The following KYAT1 variants were observed in gnomAD, a reference collection of about 807,000 sequenced individuals.
KYAT1 encodes the protein kynurenine aminotransferase 1.
In KYAT1, 47 loss-of-function variants were observed where a neutral mutation model predicts 52.4. That is an observed-to-expected ratio of 0.90 (90% confidence interval 0.71 to 1.14). The LOEUF is 1.14. KYAT1 is among the 50% of genes most tolerant of loss of function. KYAT1 has a pLI of 0.00. For missense variants in KYAT1, 480 were observed against 557.9 expected (o/e 0.86, Z 1.41); for synonymous variants, 212 against 209.6 (o/e 1.01, Z -0.10).
At position 128,837,068 on chromosome 9, in the gene KYAT1, C is replaced by A; in HGVS notation, c.568-146G>T. 8 of 1,003,276 alleles carry A rather than the reference C, an allele frequency of 8.0e-6. 1 individual carries two copies. In the South Asian group the frequency reaches 1.0e-4, roughly 13 times the overall value. 62.1% of individuals were successfully genotyped at this position (1,003,276 alleles called of 1,614,324 possible). A position where few individuals can be genotyped will look rare whatever the true frequency, so the allele number is the denominator to read the frequency against. On this transcript the variant is annotated intron_variant, in intron 6 of 12. Transcript: ENST00000302586. ...TAGCACTTTGGGAGGCCGAGGCGGG[C>A]GGAACACTGGAGGTCAGGAGTTTAA...
At chr9:128,849,186 C>T (rs10739738) in intron 1 of KYAT1, among the ~76,000 whole-genome samples, 83,581 of 150,816 alleles carry the variant, frequency 0.55, 27,808 homozygotes, top group Non-Finnish European at 0.71. Context: ...CTGAGGTGGA[C>T]GGATCACCTG....
chr9:128,839,099 G>C (rs1363744028), intron 3 of KYAT1, among the ~76,000 whole-genome samples: 1 of 151,934 alleles, frequency 6.6e-6, no homozygotes, highest in Non-Finnish European at 1.5e-5. Context: ...AAGTAGCTGG[G>C]ACTACAGGCA....
chr9:128,849,578 G>A (rs1270080619), intron 1 of KYAT1, among the ~76,000 whole-genome samples: 1 of 150,948 alleles, frequency 6.6e-6, no homozygotes, highest in East Asian at 2.0e-4. Context: ...GGCTGATCAT[G>A]AGGTTAGGAG....
At chr9:128,845,273 A>T in intron 2 of KYAT1, 80 bp downstream of exon 2, 1 of 1,118,210 alleles carries the variant, frequency 8.9e-7, no homozygotes, top group Non-Finnish European at 1.3e-6. Context: ...CTGGAGTACT[A>T]CTGAGTTGCT....
intron 1 of KYAT1, among the ~76,000 whole-genome samples, chr9:128,873,512 G>A (rs1389179150): frequency 1.3e-5 from 2 of 152,100 alleles, no homozygotes; most frequent in Admixed American, 6.6e-5. Context: ...GCTCACTCCT[G>A]TAATCCCAGC....
chr9:128,862,261 C>A (rs1349053590), intron 1 of KYAT1, among the ~76,000 whole-genome samples: 2 of 152,126 alleles, frequency 1.3e-5, no homozygotes, highest in Non-Finnish European at 2.9e-5. Flanking sequence ...CCGCAGCGTC[C>A]CAGTGCTGGG....
Position 128,835,539 on chromosome 9 carries a change from G to A in KYAT1, c.984C>T (p.Gly328=), listed in dbSNP as rs774003247. ...DHMIRSLQSV[G]LKPIIPQGSY... ...TGCCCTGAGGGATGATGGGCTTCAGGCCCACTGACTGTAGGCTACGTATCA... is the reference window on the plus strand; with the variant it reads ...TGCCCTGAGGGATGATGGGCTTCAGACCCACTGACTGTAGGCTACGTATCA... Residue 328 remains glycine (G), a synonymous_variant, in exon 10 of 13, where the codon GGC becomes GGT. Coordinates refer to ENST00000302586, the MANE Select transcript of KYAT1 (RefSeq NM_004059.5). The A allele has an allele frequency of 6.2e-6, 10 of 1,613,574 alleles. No individual in the cohort carries two copies. The highest frequency in any genetic ancestry group is 3.4e-6 in the Non-Finnish European group (4 of 1,180,030).
chr9:128,865,245 C>CA (rs764268082), intron 1 of KYAT1, among the ~76,000 whole-genome samples: 1,778 of 54,222 alleles, frequency 0.033, 80 homozygotes, highest in Middle Eastern at 0.071. Context: ...CCTCCCACAC[C>CA]AAAAAAAAAA....
rs769476449 is a variant in KYAT1 at position 128,833,534 on chromosome 9, G to A, written c.*50C>T. Reference sequence around the variant, plus strand: ...CTGGACAAAGACAGACACTCAAAGAGGATCTCTGCGGGCATGTGGGGATGT... The same window carrying A: ...CTGGACAAAGACAGACACTCAAAGAAGATCTCTGCGGGCATGTGGGGATGT... On this transcript the variant is annotated 3_prime_UTR_variant, in exon 13 of 13. Coordinates refer to ENST00000302586, the MANE Select transcript of KYAT1 (RefSeq NM_004059.5). 25 of 1,555,448 alleles carry A rather than the reference G, an allele frequency of 1.6e-5. No homozygotes were observed. In the African/African-American group the frequency reaches 1.6e-4, roughly 10 times the overall value.
At chr9:128,856,457 G>A (rs1036633418) in intron 1 of KYAT1, among the ~76,000 whole-genome samples, 3 of 152,092 alleles carry the variant, frequency 2.0e-5, no homozygotes, top group African/African-American at 7.2e-5. Context: ...GGATATGTAC[G>A]GCAAAGAAAG....
chr9:128,871,358 G>C lies in KYAT1; in HGVS notation c.-7+10539C>G, dbSNP rs147584190. ...AAAACAAACAAAAACAAACAAAAAG[G>C]GCAGGTTGAAGAACAATATAACTCT... On this transcript the variant is annotated intron_variant, in intron 1 of 12. Coordinates refer to ENST00000302586, the MANE Select transcript of KYAT1 (RefSeq NM_004059.5). Among the ~76,000 whole-genome samples, 655 of 151,732 alleles carry C rather than the reference G, an allele frequency of 4.3e-3. 3 individuals are homozygous for C. The highest frequency in any genetic ancestry group is 0.014 in the African/African-American group (584 of 41,376).
intron 3 of KYAT1, among the ~76,000 whole-genome samples, chr9:128,841,280 G>A (rs373217621): frequency 1.3e-5 from 2 of 152,276 alleles, no homozygotes; most frequent in African/African-American, 4.8e-5. Context: ...CGAGGCAGGC[G>A]AATCACGAGG....
intron 1 of KYAT1, among the ~76,000 whole-genome samples, chr9:128,864,365 CAAAAAAA>C (rs35129459): frequency 1.3e-5 from 1 of 75,190 alleles, no homozygotes; most frequent in African/African-American, 5.9e-5. Flanking sequence ...GACTCTGTCT[CAAAAAAA>C]AAAAAAAAAA....
intron 1 of KYAT1, among the ~76,000 whole-genome samples, chr9:128,868,850 C>G (rs887279995): frequency 6.6e-6 from 1 of 151,824 alleles, no homozygotes; most frequent in African/African-American, 2.4e-5. Flanking sequence ...GGACTATAGG[C>G]GCACACCACC....
intron 1 of KYAT1, among the ~76,000 whole-genome samples, chr9:128,853,442 T>C (rs1834200613): frequency 6.6e-6 from 1 of 152,200 alleles, no homozygotes; most frequent in African/African-American, 2.4e-5. Flanking sequence ...TTGCTGTCAT[T>C]TCAGTGTTAC....
chr9:128,844,559 G>A (rs998731560), intron 2 of KYAT1, among the ~76,000 whole-genome samples: 44 of 151,978 alleles, frequency 2.9e-4, no homozygotes, highest in African/African-American at 1.0e-3. Context: ...GCGTGGTGGC[G>A]CACGCCTGTA....
chr9:128,843,882 T>C (rs1201300969), intron 2 of KYAT1, among the ~76,000 whole-genome samples: 2 of 152,248 alleles, frequency 1.3e-5, no homozygotes, highest in Admixed American at 6.5e-5. Context: ...GCTCTGCTCA[T>C]ATAGCCTTCA....
chr9:128,873,074 TAAAAA>T (rs549497155), intron 1 of KYAT1, among the ~76,000 whole-genome samples: 1 of 118,720 alleles, frequency 8.4e-6, no homozygotes, highest in South Asian at 2.8e-4. Context: ...AGACTCCATT[TAAAAA>T]AAAAAAAAAA....
intron 1 of KYAT1, among the ~76,000 whole-genome samples, chr9:128,852,373 G>T (rs1588101998): frequency 6.6e-6 from 1 of 152,186 alleles, no homozygotes; most frequent in East Asian, 1.9e-4. Flanking sequence ...TGAAAAATTT[G>T]CTTTTACTAT....
Sources: gnomAD v4.1 joint callset for allele counts (sites outside exome capture counted in the v4.1 genomes callset) on GRCh38, gnomAD v4.1.1 for gene constraint, MANE v1.5 for transcripts, NCBI Gene and HGNC (gene_info 2026-07-23, HGNC 2026-07-21) for gene names.